RAPGEF5: variants seen among roughly 807,000 people sequenced by gnomAD.
The protein encoded by RAPGEF5 is M-Ras-regulated GEF.
RAPGEF5 carries 65 observed loss-of-function variants against 125.2 expected under a neutral mutation model. The ratio of observed to expected loss-of-function variants is 0.52; its 90% CI spans 0.43 to 0.64. The LOEUF is 0.64. Among genes scored for constraint, RAPGEF5 ranks in the 30% least tolerant of loss-of-function variants. The pLI is 0.00. For missense variants in RAPGEF5, 958 were observed against 1,048.1 expected (o/e 0.91, Z 1.19); for synonymous variants, 391 against 385.9 (o/e 1.01, Z -0.16).
intron 1 of RAPGEF5, among the ~76,000 whole-genome samples, chr7:22,324,166 TATG>T (rs1160188042): frequency 1.3e-5 from 2 of 152,234 alleles, no homozygotes; most frequent in African/African-American, 4.8e-5. Flanking sequence ...TGCCTCCTGA[TATG>T]ATGAACAGAG....
In RAPGEF5 at chr7:22,193,413, G is replaced by A; in HGVS notation, c.1158C>T (p.His386=). Residue 386 remains histidine (H), a synonymous_variant, in exon 11 of 26, where the codon CAC becomes CAT. Transcript: ENST00000665637. ...VSGTPEKILE[H]LLNDLHLEEV... ...CTTCCAGGTGCAAGTCATTCAAAAG[G>A]TGCTCCAAAATCTTCTCCGGGGTCC... 1 of 1,597,482 alleles carries A rather than the reference G, an allele frequency of 6.3e-7. No homozygotes were observed.
intron 1 of RAPGEF5, among the ~76,000 whole-genome samples, chr7:22,346,721 A>G (rs1366232545): frequency 6.6e-6 from 1 of 152,182 alleles, no homozygotes; most frequent in African/African-American, 2.4e-5. Flanking sequence ...AAATACAGGA[A>G]GACAACCAAC....
intron 3 of RAPGEF5, among the ~76,000 whole-genome samples, chr7:22,310,680 A>C (rs1314766180): frequency 6.6e-6 from 1 of 150,380 alleles, no homozygotes. Context: ...GCTATTCTTC[A>C]AACAAAGATT....
At chr7:22,127,156 A>G (rs1268615182) in intron 24 of RAPGEF5, among the ~76,000 whole-genome samples, 1 of 150,396 alleles carries the variant, frequency 6.6e-6, no homozygotes, top group Non-Finnish European at 1.5e-5. Flanking sequence ...CTCCTGCCTC[A>G]GCCTCCTGAG....
chr7:22,302,370 A>C (rs79091356), intron 5 of RAPGEF5, among the ~76,000 whole-genome samples: 2,591 of 152,282 alleles, frequency 0.017, 68 homozygotes, highest in African/African-American at 0.059. Flanking sequence ...GAGTGTCAGC[A>C]ATGCCAACAG....
intron 6 of RAPGEF5, among the ~76,000 whole-genome samples, chr7:22,274,115 G>A (rs1782503616): frequency 6.6e-6 from 1 of 151,992 alleles, no homozygotes; most frequent in Non-Finnish European, 1.5e-5. Context: ...TTCTCCAAAG[G>A]CTCCCCTTCT....
intron 9 of RAPGEF5, chr7:22,202,914 A>G: frequency 2.6e-6 from 1 of 380,672 alleles, no homozygotes. Flanking sequence ...AGCCCTCAGT[A>G]AATAGAGGGC....
At chr7:22,222,979 G>A (rs979473379) in intron 8 of RAPGEF5, among the ~76,000 whole-genome samples, 2 of 152,124 alleles carry the variant, frequency 1.3e-5, no homozygotes, top group Admixed American at 6.6e-5. Flanking sequence ...TTGTCATGGG[G>A]GGAGGCAGGG....
intron 20 of RAPGEF5, among the ~76,000 whole-genome samples, chr7:22,143,753 G>A (rs1306775993): frequency 3.3e-5 from 5 of 152,048 alleles, no homozygotes; most frequent in Admixed American, 6.6e-5. Context: ...ATGAGCTCTC[G>A]CTCCTCTAAA....
At chr7:22,345,923 C>T (rs970601232) in intron 1 of RAPGEF5, among the ~76,000 whole-genome samples, 1 of 152,080 alleles carries the variant, frequency 6.6e-6, no homozygotes, top group Non-Finnish European at 1.5e-5. Flanking sequence ...GTTCTTTTTA[C>T]TCTTTTGATA....
At chr7:22,242,887 C>T (rs960460060) in intron 7 of RAPGEF5, among the ~76,000 whole-genome samples, 1 of 143,716 alleles carries the variant, frequency 7.0e-6, no homozygotes, top group Admixed American at 7.2e-5. Flanking sequence ...GCAGAGGTTG[C>T]GGTGAGCCAA....
At position 22,140,049 on chromosome 7, in the gene RAPGEF5, G is replaced by C; in HGVS notation, c.2253C>G (p.Val751=). 6.4e-7 allele frequency: 1 copy of C among 1,569,156 alleles called. No homozygotes were observed. The highest frequency in any genetic ancestry group is 2.4e-5 in the East Asian group (1 of 42,310). The stretch of plus-strand genomic sequence containing the variant: ...CCTCCCAGGTCTGCGACAGTCGACT[G>C]ACAGAAGCAGTGTTGAGACCCATCA... ...AIVMGLNTAS[V]SRLSQTWEKI... Residue 751 remains valine, a synonymous_variant, in exon 21 of 26, where the codon GTC becomes GTG. Transcript: ENST00000665637.
intron 9 of RAPGEF5, chr7:22,194,427 A>G (rs949807951): frequency 6.0e-5 from 22 of 367,876 alleles, no homozygotes; most frequent in African/African-American, 4.4e-4. Context: ...TAAACACTCT[A>G]TTAAAGTTGA....
chr7:22,192,288 C>G (rs1276718146), intron 11 of RAPGEF5: 3 of 152,436 alleles, frequency 2.0e-5, no homozygotes. Flanking sequence ...TACACAATAA[C>G]TTTACTGTAG....
At chr7:22,257,192 C>T (rs1157090721) in intron 7 of RAPGEF5, among the ~76,000 whole-genome samples, 3 of 152,204 alleles carry the variant, frequency 2.0e-5, no homozygotes, top group Non-Finnish European at 4.4e-5. Context: ...TTCCTTCTGT[C>T]AAGCTCCAGA....
chr7:22,163,399 G>C (rs191652534), intron 12 of RAPGEF5, among the ~76,000 whole-genome samples: 1 of 152,166 alleles, frequency 6.6e-6, no homozygotes, highest in Non-Finnish European at 1.5e-5. Context: ...TATGCACAAT[G>C]TATTGTTGAG....
At chr7:22,248,953 A>G (rs1432025397) in intron 7 of RAPGEF5, among the ~76,000 whole-genome samples, 4 of 152,174 alleles carry the variant, frequency 2.6e-5, no homozygotes, top group South Asian at 4.1e-4. Flanking sequence ...GACAACCTCA[A>G]CTGAAATTTC....
At chr7:22,313,152 A>T (rs1178535712) in intron 3 of RAPGEF5, among the ~76,000 whole-genome samples, 1 of 152,206 alleles carries the variant, frequency 6.6e-6, no homozygotes, top group Non-Finnish European at 1.5e-5. Flanking sequence ...GAATTTACCC[A>T]ATCTCCAGAG....
chr7:22,152,023 A>T (rs529306776), intron 17 of RAPGEF5, among the ~76,000 whole-genome samples: 1 of 152,276 alleles, frequency 6.6e-6, no homozygotes, highest in Non-Finnish European at 1.5e-5. Flanking sequence ...AGTCATATTA[A>T]AGTTTATTTC....
Sources: gnomAD v4.1 joint callset for allele counts (sites outside exome capture counted in the v4.1 genomes callset) on GRCh38, gnomAD v4.1.1 for gene constraint, MANE v1.5 for transcripts, NCBI Gene and HGNC (gene_info 2026-07-23, HGNC 2026-07-21) for gene names.